Variants in TRIP12 observed in about 807,000 individuals in gnomAD.
TRIP12 encodes the protein E3 ubiquitin-protein ligase TRIP12.
TRIP12 carries 25 observed loss-of-function variants against 244.2 expected under a neutral mutation model. The ratio of observed to expected loss-of-function variants is 0.10; its 90% CI spans 0.07 to 0.14. The LOEUF is 0.14. Ranked by LOEUF, TRIP12 falls within the 10% of genes least tolerant of loss-of-function variation. The pLI is 1.00. For synonymous variants in TRIP12, 905 were observed against 873.1 expected (o/e 1.04, Z -0.64); for missense variants, 1,677 against 2,486.4 (o/e 0.67, Z 6.92).
Position 229,859,250 on chromosome 2 carries a change from A to G in TRIP12, c.549T>C (p.Thr183=), listed in dbSNP as rs768215761. ...TTCTTTTCTGACTCCGTGAACCGCCAGTGGCCCCACTCTTCCTGGTATGAG... is the reference window on the plus strand; with the variant it reads ...TTCTTTTCTGACTCCGTGAACCGCCGGTGGCCCCACTCTTCCTGGTATGAG... ...SKAHTRKSGA[T]GGSRSQKRKR... is the part of the protein sequence containing the mutation. The change falls in exon 4 of 42, where the codon ACT becomes ACC. Residue 183 remains threonine, a synonymous_variant. Transcript: ENST00000675903. 2 of 1,614,198 alleles carry G rather than the reference A, an allele frequency of 1.2e-6. No individual in the cohort carries two copies. The highest frequency in any genetic ancestry group is 2.2e-5 in the East Asian group (1 of 44,890).
Position 229,917,373 on chromosome 2 carries a change from T to C in TRIP12, c.-50+4507A>G, listed in dbSNP as rs1356366916. ...TCCACCCTGGGCAACAGAGCGAGAC[T>C]CTGTCTCAAAAAAAAAAAAAAAAAA... On this transcript the variant is annotated intron_variant, in intron 1 of 41. Transcript: ENST00000675903. 9.8e-4 allele frequency among the ~76,000 whole-genome samples: 57 copies of C among 58,152 alleles called. 1 individual carries two copies. The South Asian group carries it at 0.033, about 34-fold the overall frequency. 38.1% of individuals were successfully genotyped at this position (58,152 alleles called of 152,430 possible). A position where few individuals can be genotyped will look rare whatever the true frequency, so the allele number is the denominator to read the frequency against.
chr2:229,863,427 A>C (rs74001440), intron 2 of TRIP12, among the ~76,000 whole-genome samples: 2,264 of 152,270 alleles, frequency 0.015, 50 homozygotes, highest in African/African-American at 0.052. Flanking sequence ...AAAGGAGAGT[A>C]AATATTTTCA....
At chr2:229,906,585 T>C (rs1312316508) in intron 1 of TRIP12, among the ~76,000 whole-genome samples, 1 of 151,626 alleles carries the variant, frequency 6.6e-6, no homozygotes, top group Non-Finnish European at 1.5e-5. Flanking sequence ...CTGGGCATGG[T>C]GGCGGGCACC....
In TRIP12 at chr2:229,789,780, A is replaced by G. The variant is rs2040962017; in HGVS notation, c.4544-18T>C. ...CACTCCATCTAAAGGACAAAAGATC[A>G]AAGTAAGTTTTGATCAAAGTTAGAA... On this transcript the variant is annotated intron_variant, in intron 30 of 41. Transcript: ENST00000675903. 6.2e-7 allele frequency: 1 copy of G among 1,612,460 alleles called. No homozygotes were observed. The highest frequency in any genetic ancestry group is 8.5e-7 in the Non-Finnish European group (1 of 1,179,236).
At chr2:229,922,377 G>A, upstream of TRIP12, 4 of 798,706 alleles carry the variant, frequency 5.0e-6, no homozygotes, top group Non-Finnish European at 4.1e-6. Context: ...CTTGGAAGAG[G>A]GGACGATCGC....
rs765892436 is a variant in TRIP12 at position 229,815,203 on chromosome 2, GAA to G, written c.1636-11_1636-10del. On this transcript the variant is annotated splice_polypyrimidine_tract_variant and intron_variant, in intron 10 of 41. Transcript: ENST00000675903. ...CGACAAGCATGGTTCATCTAGAAAAGAAGAGATTTTAATGAGTAAAAACTCAA... is the reference window on the plus strand; with the variant it reads ...CGACAAGCATGGTTCATCTAGAAAAGGAGATTTTAATGAGTAAAAACTCAA... The G allele has an allele frequency of 6.2e-7, 1 of 1,607,738 alleles. No individual in the cohort carries two copies. The highest frequency in any genetic ancestry group is 8.5e-7 in the Non-Finnish European group (1 of 1,177,736).
intron 1 of TRIP12, among the ~76,000 whole-genome samples, chr2:229,914,035 AGGTG>A (rs937896228): frequency 6.6e-6 from 1 of 152,008 alleles, no homozygotes; most frequent in Non-Finnish European, 1.5e-5. Flanking sequence ...TGGGAAGCCG[AGGTG>A]GGTGGATTGC....
chr2:229,888,408 C>A (rs2066509626), intron 1 of TRIP12, among the ~76,000 whole-genome samples: 1 of 151,674 alleles, frequency 6.6e-6, no homozygotes, highest in Admixed American at 6.6e-5. Flanking sequence ...GAGGAATACG[C>A]CCAGGATGAA....
chr2:229,793,287 G>A (rs2041995373), intron 26 of TRIP12, 142 bp from the exon 27 acceptor site: 2 of 798,368 alleles, frequency 2.5e-6, no homozygotes, highest in Non-Finnish European at 1.8e-6. Context: ...TCTGTGAATG[G>A]TAAAGCCAAT....
At chr2:229,901,800 GAGA>G (rs963008759) in intron 1 of TRIP12, among the ~76,000 whole-genome samples, 2 of 152,092 alleles carry the variant, frequency 1.3e-5, no homozygotes, top group African/African-American at 4.8e-5. Flanking sequence ...GCAGTGGGAA[GAGA>G]AGAAGATAAG....
chr2:229,857,801 A>T (rs1005397027), intron 4 of TRIP12, among the ~76,000 whole-genome samples: 1 of 152,234 alleles, frequency 6.6e-6, no homozygotes, highest in Non-Finnish European at 1.5e-5. Flanking sequence ...TGTTTCTTCC[A>T]TCTACTTTCT....
At chr2:229,845,368 T>C (rs889945895) in intron 4 of TRIP12, among the ~76,000 whole-genome samples, 7 of 152,204 alleles carry the variant, frequency 4.6e-5, no homozygotes, top group Middle Eastern at 3.2e-3. Flanking sequence ...TGGAACAAAT[T>C]TGACTGGCAA....
intron 8 of TRIP12, among the ~76,000 whole-genome samples, chr2:229,822,141 AAAACAAAC>A (rs368721599): frequency 6.6e-6 from 1 of 152,162 alleles, no homozygotes. Context: ...ACTCCGTCTC[AAAACAAAC>A]AAACAAACAA....
chr2:229,786,417 T>TA (rs71045795), intron 33 of TRIP12, among the ~76,000 whole-genome samples: 2 of 146,036 alleles, frequency 1.4e-5, no homozygotes, highest in African/African-American at 2.5e-5. Context: ...TTTTTTTTTT[T>TA]AGGTGGCGTC....
At chr2:229,901,787 TA>T (rs955445292) in intron 1 of TRIP12, among the ~76,000 whole-genome samples, 1 of 152,054 alleles carries the variant, frequency 6.6e-6, no homozygotes, top group African/African-American at 2.4e-5. Context: ...TGAGGAAAAC[TA>T]AGCAGTGGGA....
At chr2:229,791,358 T>C in intron 29 of TRIP12, 107 bp from the exon 30 acceptor site, 2 of 1,255,622 alleles carry the variant, frequency 1.6e-6, no homozygotes, top group Non-Finnish European at 2.3e-6. Flanking sequence ...TTCTGAGATC[T>C]ATTCTCCTCT....
intron 4 of TRIP12, among the ~76,000 whole-genome samples, chr2:229,856,433 T>TGG (rs2059624649): frequency 6.6e-6 from 1 of 152,212 alleles, no homozygotes. Flanking sequence ...ATCCCACTGA[T>TGG]TAGCCACTGG....
intron 1 of TRIP12, among the ~76,000 whole-genome samples, chr2:229,909,827 C>T (rs2073920484): frequency 6.6e-6 from 1 of 152,162 alleles, no homozygotes; most frequent in Non-Finnish European, 1.5e-5. Flanking sequence ...ATGCTCCAGC[C>T]TGGGAGACAG....
At chr2:229,839,518 A>G (rs572245743) in intron 5 of TRIP12, among the ~76,000 whole-genome samples, 1 of 152,222 alleles carries the variant, frequency 6.6e-6, no homozygotes, top group Admixed American at 6.5e-5. Context: ...TCTACTAAAA[A>G]TACAAAAAAA....
Sources: allele counts gnomAD v4.1 joint callset (sites outside exome capture counted in the v4.1 genomes callset), GRCh38; gene constraint gnomAD v4.1.1; transcripts MANE v1.5; gene names NCBI Gene and HGNC (gene_info 2026-07-23, HGNC 2026-07-21).